ABLIM2: variants seen among roughly 807,000 people sequenced by gnomAD.
ABLIM2 encodes the protein actin-binding LIM protein 2.
ABLIM2 carries 53 observed loss-of-function variants against 97.7 expected under a neutral mutation model. That is an observed-to-expected ratio of 0.54 (90% confidence interval 0.44 to 0.68). ABLIM2 has a LOEUF of 0.68. Ranked by LOEUF, ABLIM2 falls within the 30% of genes least tolerant of loss-of-function variation. The probability of loss-of-function intolerance (pLI) is 0.00; values close to 1 mark genes in which losing one functional copy is unlikely to be tolerated. For synonymous variants in ABLIM2, 361 were observed against 345.8 expected (o/e 1.04, Z -0.49); for missense variants, 835 against 867.2 (o/e 0.96, Z 0.47).
In ABLIM2 at chr4:8,148,825, C is replaced by G. The variant is rs1210024753; in HGVS notation, c.10+9855G>C. Among the ~76,000 whole-genome samples, 1 of 152,150 alleles carries G rather than the reference C, an allele frequency of 6.6e-6. No homozygotes were observed. The highest frequency in any genetic ancestry group is 1.5e-5 in the Non-Finnish European group (1 of 68,026). On this transcript the variant is annotated intron_variant, in intron 1 of 20. Coordinates refer to ENST00000447017, the MANE Select transcript of ABLIM2 (RefSeq NM_001130083.2). This position sits in a 1 kb window ranked among gnomAD's most constrained non-coding sequence, Gnocchi z 6.7. ...ACATGGCCTGGGCTGGTTCCTGGAC[C>G]CCCACCTCTCCATGAGACCACCCCT... is the stretch of plus-strand genomic sequence containing the variant.
chr4:8,051,176 C>T (rs1361693057), intron 8 of ABLIM2, among the ~76,000 whole-genome samples: 1 of 152,246 alleles, frequency 6.6e-6, no homozygotes, highest in Non-Finnish European at 1.5e-5. Flanking sequence ...CCCACCCCGC[C>T]CTTGCGGGGA....
rs1821438023 is a variant in ABLIM2 at position 8,083,773 on chromosome 4, C to G, written c.455-2971G>C. On this transcript the variant is annotated intron_variant, in intron 4 of 20. Coordinates refer to ENST00000447017, the MANE Select transcript of ABLIM2 (RefSeq NM_001130083.2). This position sits in a 1 kb window ranked among gnomAD's most constrained non-coding sequence, Gnocchi z 4.6. ...AGCAGGGCAGAAGGGGCCCCAGGAC[C>G]CCCCAATGTCAGCTGGCCACGTGCC... Among the ~76,000 whole-genome samples the G allele has an allele frequency of 6.6e-6, 1 of 152,196 alleles. No individual in the cohort carries two copies. The highest frequency in any genetic ancestry group is 1.5e-5 in the Non-Finnish European group (1 of 68,038).
In ABLIM2 at chr4:8,112,752, A is replaced by G. The variant is rs1187342428; in HGVS notation, c.11-6115T>C. ...CCATGCCCCACAGGAATGGTCAGTC[A>G]TCCTCATCTCACGGATGAGGATGCC... On this transcript the variant is annotated intron_variant, in intron 1 of 20. Coordinates refer to ENST00000447017, the MANE Select transcript of ABLIM2 (RefSeq NM_001130083.2). The surrounding 1 kb of genome is among the most constrained non-coding windows in gnomAD (Gnocchi z 4.2). Among the ~76,000 whole-genome samples the G allele has an allele frequency of 6.6e-6, 1 of 152,182 alleles. No individual in the cohort carries two copies. Among genetic ancestry groups the G allele is most frequent in the African/African-American group, 2.4e-5 (1 of 41,440 alleles).
At chr4:8,101,183 C>T (rs888053084) in intron 2 of ABLIM2, among the ~76,000 whole-genome samples, 1 of 152,222 alleles carries the variant, frequency 6.6e-6, no homozygotes, top group East Asian at 1.9e-4. Context: ...TTAACCTGGG[C>T]GAGGGCTCCA....
chr4:8,013,960 C>T (rs1239710588), intron 14 of ABLIM2, among the ~76,000 whole-genome samples: 1 of 152,240 alleles, frequency 6.6e-6, no homozygotes. Context: ...CATCAACACA[C>T]CGACAGCTCT....
chr4:8,104,708 G>A (rs879394629), intron 2 of ABLIM2, among the ~76,000 whole-genome samples: 4 of 152,268 alleles, frequency 2.6e-5, no homozygotes, highest in East Asian at 1.9e-4. Flanking sequence ...CTAAGTCACC[G>A]ACCCCCTGCA....
intron 9 of ABLIM2, among the ~76,000 whole-genome samples, chr4:8,039,514 G>A (rs909331532): frequency 2.6e-5 from 4 of 152,160 alleles, no homozygotes; most frequent in African/African-American, 2.4e-5. Context: ...CCATGACAAC[G>A]GGCTGCACTC....
rs1383063759 is a variant in ABLIM2 at position 8,095,135 on chromosome 4, GCT to G, written c.338+1962_338+1963del. Among the ~76,000 whole-genome samples, 2 of 142,528 alleles carry G rather than the reference GCT, an allele frequency of 1.4e-5. No homozygotes were observed. Among genetic ancestry groups the G allele is most frequent in the Non-Finnish European group, 3.0e-5 (2 of 66,318 alleles). 93.5% of individuals were successfully genotyped at this position (142,528 alleles called of 152,430 possible). A position where few individuals can be genotyped will look rare whatever the true frequency, so the allele number is the denominator to read the frequency against. On this transcript the variant is annotated intron_variant, in intron 3 of 20. Transcript: ENST00000447017. The surrounding 1 kb of genome is among the most constrained non-coding windows in gnomAD (Gnocchi z 4.7). ...CTTTCTTTTCTTTCTACAGGGTCTT[GCT>G]CTGTTACCCAGGCTGGAGAGCAGTG...
chr4:8,060,476 GAAGA>G (rs1802269034), intron 7 of ABLIM2, among the ~76,000 whole-genome samples: 3 of 152,148 alleles, frequency 2.0e-5, no homozygotes, highest in Non-Finnish European at 4.4e-5. Flanking sequence ...CTTGCTCCTG[GAAGA>G]AAGCCTCGGC....
intron 14 of ABLIM2, chr4:8,010,596 A>T (rs1764279597): frequency 4.1e-6 from 4 of 983,058 alleles, no homozygotes; most frequent in Non-Finnish European, 4.8e-6. Context: ...TTCCGTTCCG[A>T]ATACACTAAC....
At position 7,986,097 on chromosome 4, in the gene ABLIM2, G is replaced by C. The variant is rs1328180785; in HGVS notation, c.1681-1204C>G. 1.3e-5 allele frequency among the ~76,000 whole-genome samples: 2 copies of C among 152,236 alleles called. No individual in the cohort carries two copies. The highest frequency in any genetic ancestry group is 2.9e-5 in the Non-Finnish European group (2 of 68,040). ...GCTTCGTTCCCCAGCACCTGGAACGGGGTCTCAAACGGGGTCAGGGCTCTC... is the reference window on the plus strand; with the variant it reads ...GCTTCGTTCCCCAGCACCTGGAACGCGGTCTCAAACGGGGTCAGGGCTCTC... On this transcript the variant is annotated intron_variant, in intron 17 of 20. Transcript: ENST00000447017. This position sits in a 1 kb window ranked among gnomAD's most constrained non-coding sequence, Gnocchi z 4.3.
At chr4:8,141,480 A>G (rs1346940704) in intron 1 of ABLIM2, among the ~76,000 whole-genome samples, 1 of 152,200 alleles carries the variant, frequency 6.6e-6, no homozygotes, top group Non-Finnish European at 1.5e-5. Flanking sequence ...ATGCACCAAC[A>G]TTTGAATAAT....
chr4:8,035,127 G>A (rs557245774), intron 10 of ABLIM2, among the ~76,000 whole-genome samples: 1 of 151,894 alleles, frequency 6.6e-6, no homozygotes, highest in South Asian at 2.1e-4. Context: ...TGTGGGTCGT[G>A]ATGCCTTCCC....
At chr4:7,977,406 TATACACAC>T (rs1303364900) in intron 20 of ABLIM2, among the ~76,000 whole-genome samples, 1 of 152,010 alleles carries the variant, frequency 6.6e-6, no homozygotes, top group Non-Finnish European at 1.5e-5. Flanking sequence ...TGCACACAGG[TATACACAC>T]ATACACACAC....
chr4:8,000,939 G>A (rs570611333), intron 16 of ABLIM2, among the ~76,000 whole-genome samples: 1 of 152,340 alleles, frequency 6.6e-6, no homozygotes, highest in Admixed American at 6.5e-5. Flanking sequence ...TCAAGGCCGG[G>A]CACCTTATGG....
At chr4:8,036,822 C>G (rs964525603) in intron 9 of ABLIM2, among the ~76,000 whole-genome samples, 1 of 152,164 alleles carries the variant, frequency 6.6e-6, no homozygotes, top group Non-Finnish European at 1.5e-5. Context: ...CGCACACGTA[C>G]AAACACAGAC....
intron 6 of ABLIM2, among the ~76,000 whole-genome samples, chr4:8,062,274 T>C (rs1803709476): frequency 6.6e-6 from 1 of 152,150 alleles, no homozygotes. Flanking sequence ...AGATGGCCAG[T>C]CTCTCAAGCG....
At chr4:8,034,169 C>G (rs918443946) in intron 10 of ABLIM2, among the ~76,000 whole-genome samples, 2 of 152,174 alleles carry the variant, frequency 1.3e-5, no homozygotes, top group South Asian at 2.1e-4. Flanking sequence ...CTCACGGACT[C>G]TCTTCCAGCA....
intron 6 of ABLIM2, among the ~76,000 whole-genome samples, chr4:8,073,423 G>A (rs1813761667): frequency 6.6e-6 from 1 of 151,926 alleles, no homozygotes; most frequent in Non-Finnish European, 1.5e-5. Flanking sequence ...GAACGGAAAC[G>A]TGGCTTTGGA....
Sources: allele counts gnomAD v4.1 joint callset (sites outside exome capture counted in the v4.1 genomes callset), GRCh38; gene constraint gnomAD v4.1.1; non-coding constraint Gnocchi (gnomAD v3.1); transcripts MANE v1.5; gene names NCBI Gene and HGNC (gene_info 2026-07-23, HGNC 2026-07-21).